The following DIP2B variants were observed in gnomAD, a reference collection of about 807,000 sequenced individuals.
DIP2B encodes disco-interacting protein 2 homolog B.
DIP2B carries 76 observed loss-of-function variants against 198.0 expected under a neutral mutation model. The observed-to-expected ratio is 0.38, with a 90% CI of 0.32 to 0.46. DIP2B has a LOEUF of 0.46. DIP2B is among the 20% of genes least tolerant of loss of function. DIP2B has a pLI of 0.99. For missense variants in DIP2B, 1,559 were observed against 1,978.4 expected (o/e 0.79, Z 4.02); for synonymous variants, 701 against 739.1 (o/e 0.95, Z 0.84).
At chr12:50,658,806 T>A (rs1396430289) in intron 3 of DIP2B, among the ~76,000 whole-genome samples, 1 of 152,062 alleles carries the variant, frequency 6.6e-6, no homozygotes, top group Non-Finnish European at 1.5e-5. Flanking sequence ...AAACAGAAGC[T>A]GGCCGGGCGT....
intron 3 of DIP2B, among the ~76,000 whole-genome samples, chr12:50,658,885 A>G (rs1184944182): frequency 3.3e-5 from 5 of 152,218 alleles, no homozygotes; most frequent in African/African-American, 1.2e-4. Context: ...TCAGGAGTTC[A>G]AGGCCAGCCT....
chr12:50,660,412 A>G, intron 4 of DIP2B, 93 bp downstream of exon 4: 7 of 1,345,674 alleles, frequency 5.2e-6, no homozygotes, highest in Non-Finnish European at 6.8e-6. Context: ...AAGAACCAGA[A>G]TCTTCTCCCC....
At chr12:50,618,167 T>C (rs1449086089) in intron 1 of DIP2B, among the ~76,000 whole-genome samples, 4 of 152,236 alleles carry the variant, frequency 2.6e-5, no homozygotes, top group Non-Finnish European at 5.9e-5. Context: ...CAGAATGTTT[T>C]GAAAAGTTAA....
At chr12:50,665,239 G>T (rs894744129) in intron 4 of DIP2B, among the ~76,000 whole-genome samples, 1 of 152,092 alleles carries the variant, frequency 6.6e-6, no homozygotes, top group African/African-American at 2.4e-5. Flanking sequence ...GTACATTATG[G>T]TATGCAAAGA....
chr12:50,563,486 C>CTTT (rs71083598), intron 1 of DIP2B, among the ~76,000 whole-genome samples: 23 of 115,488 alleles, frequency 2.0e-4, no homozygotes, highest in African/African-American at 5.4e-4. Flanking sequence ...TGCACCTGGC[C>CTTT]TTTTTTTTTT....
chr12:50,734,273 T>A, intron 33 of DIP2B, 77 bp downstream of exon 33: 2 of 1,450,772 alleles, frequency 1.4e-6, no homozygotes, highest in South Asian at 2.3e-5. Flanking sequence ...GCCAGCATTT[T>A]CCCTCATTCC....
chr12:50,567,817 C>T (rs544044023), intron 1 of DIP2B, among the ~76,000 whole-genome samples: 2 of 152,294 alleles, frequency 1.3e-5, no homozygotes, highest in East Asian at 1.9e-4. Flanking sequence ...CATGAGCCAT[C>T]GTGCCCGGCC....
intron 1 of DIP2B, among the ~76,000 whole-genome samples, chr12:50,531,224 A>G (rs1958214191): frequency 6.6e-6 from 1 of 151,706 alleles, no homozygotes; most frequent in Non-Finnish European, 1.5e-5. Flanking sequence ...TTTTTTTTGT[A>G]TTTTTAGTAG....
chr12:50,677,034 T>C (rs1375606331), intron 7 of DIP2B, among the ~76,000 whole-genome samples: 1 of 152,224 alleles, frequency 6.6e-6, no homozygotes, highest in Non-Finnish European at 1.5e-5. Flanking sequence ...GATTTGTCAT[T>C]GAGCTATAAA....
intron 1 of DIP2B, among the ~76,000 whole-genome samples, chr12:50,607,431 A>T (rs968588841): frequency 3.9e-5 from 6 of 152,176 alleles, no homozygotes; most frequent in Admixed American, 3.9e-4. Flanking sequence ...GACATTTTTA[A>T]ACATTAAGAC....
At position 50,735,090 on chromosome 12, in the gene DIP2B, G is replaced by T. The variant is rs779066624; in HGVS notation, c.4061G>T (p.Arg1354Leu). ...TTCTGCAGGGTTCGTCTCGTGGAAC[G>T]TGGCGCCCCTCAGAGTTTGCTTCTC... Reference protein sequence around the residue: ...LRHDRVRLVERGAPQSLLLSE... With the variant: ...LRHDRVRLVELGAPQSLLLSE... Residue 1354 changes from arginine (R) to leucine (L), a missense_variant, in exon 34 of 38, where the codon CGT becomes CTT. By Grantham distance (102) the Arg-to-Leu change is moderately radical. Coordinates refer to ENST00000301180, the MANE Select transcript of DIP2B (RefSeq NM_173602.3). The T allele has an allele frequency of 1.9e-6, 3 of 1,614,132 alleles. No homozygotes were observed. Among genetic ancestry groups the T allele is most frequent in the Admixed American group, 1.7e-5 (1 of 60,020 alleles).
intron 9 of DIP2B, among the ~76,000 whole-genome samples, chr12:50,682,581 A>G (rs2139537041): frequency 7.0e-6 from 1 of 142,408 alleles, no homozygotes; most frequent in East Asian, 2.2e-4. Context: ...GTGAGCTGAG[A>G]TCGCACCACT....
chr12:50,744,043 C>G (rs560447165), intron 37 of DIP2B, among the ~76,000 whole-genome samples: 1 of 152,272 alleles, frequency 6.6e-6, no homozygotes, highest in African/African-American at 2.4e-5. Context: ...ACTCTGTTGC[C>G]CAGGCTGGAG....
chr12:50,545,541 A>G (rs1958369641), intron 1 of DIP2B, among the ~76,000 whole-genome samples: 1 of 151,694 alleles, frequency 6.6e-6, no homozygotes, highest in Non-Finnish European at 1.5e-5. Flanking sequence ...ATGCCTGGCT[A>G]ATTAAAAAAA....
intron 1 of DIP2B, among the ~76,000 whole-genome samples, chr12:50,519,024 A>G (rs1958091365): frequency 6.6e-6 from 1 of 152,164 alleles, no homozygotes. Flanking sequence ...GATTACAGGC[A>G]TGAACCACTG....
At position 50,698,435 on chromosome 12, in the gene DIP2B, C is replaced by T. The variant is rs868498397; in HGVS notation, c.2156C>T (p.Thr719Met). 11 of 1,613,648 alleles carry T rather than the reference C, an allele frequency of 6.8e-6. No homozygotes were observed. Among genetic ancestry groups the T allele is most frequent in the East Asian group, 6.7e-5 (3 of 44,884 alleles). The stretch of plus-strand genomic sequence containing the variant: ...ACTGAAGATAAAAATTCAGCACTGA[C>T]GGTCCAGGATGTAGGGCATGTAATG... ...VNTEDKNSALTVQDVGHVMPG... is the reference protein window; with the variant it reads ...VNTEDKNSALMVQDVGHVMPG... Residue 719 changes from threonine to methionine, a missense_variant, in exon 18 of 38, where the codon ACG (threonine) becomes ATG (methionine). Coordinates refer to ENST00000301180, the MANE Select transcript of DIP2B (RefSeq NM_173602.3).
At chr12:50,545,346 C>T (rs1365947785) in intron 1 of DIP2B, among the ~76,000 whole-genome samples, 8 of 143,984 alleles carry the variant, frequency 5.6e-5, no homozygotes, top group Non-Finnish European at 1.2e-4. Context: ...CTCCCTCCCT[C>T]CTTCTTTCTT....
chr12:50,699,764 G>A (rs566283548), intron 19 of DIP2B, among the ~76,000 whole-genome samples: 10 of 152,110 alleles, frequency 6.6e-5, no homozygotes, highest in African/African-American at 1.9e-4. Flanking sequence ...TCGAAAGGCT[G>A]AGGCAGGAGG....
chr12:50,581,379 C>G (rs1958723129), intron 1 of DIP2B, among the ~76,000 whole-genome samples: 1 of 149,392 alleles, frequency 6.7e-6, no homozygotes, highest in Admixed American at 6.8e-5. Context: ...CCTGGGCAAC[C>G]AGTTCTGTCA....
Sources: allele counts gnomAD v4.1 joint callset (sites outside exome capture counted in the v4.1 genomes callset), GRCh38; gene constraint gnomAD v4.1.1; transcripts MANE v1.5; gene names NCBI Gene and HGNC (gene_info 2026-07-23, HGNC 2026-07-21).